Variants in SP7 observed in about 807,000 individuals in gnomAD.
SP7 encodes the protein transcription factor Sp7.
Under a neutral mutation model 27.9 loss-of-function variants are expected in SP7, and 13 were observed. That is an observed-to-expected ratio of 0.47 (90% CI 0.30 to 0.74). SP7 has a LOEUF of 0.74. Ranked by LOEUF, SP7 falls within the 30% of genes least tolerant of loss-of-function variation. The probability of loss-of-function intolerance (pLI) is 0.06; values close to 1 mark genes in which losing one functional copy is unlikely to be tolerated. For missense variants in SP7, 525 were observed against 558.0 expected, an observed-to-expected ratio of 0.94 and a Z score of 0.60; for synonymous variants, 219 against 226.7, an observed-to-expected ratio of 0.97 and a Z score of 0.31.
chr12:53,342,065 A>T (rs1368947291), intron 1 of SP7, among the ~76,000 whole-genome samples: 1 of 143,792 alleles, frequency 7.0e-6, no homozygotes, highest in African/African-American at 2.6e-5. Flanking sequence ...CTCAAAAAAA[A>T]AAACAAAAAA....
chr12:53,336,887 G>A (rs1366207266), upstream of SP7, among the ~76,000 whole-genome samples: 1 of 152,134 alleles, frequency 6.6e-6, no homozygotes, highest in Non-Finnish European at 1.5e-5. Flanking sequence ...GTTGGGGAAG[G>A]CTTGGTATTG....
chr12:53,332,700 G>A (rs1944719730), intron 2 of SP7, among the ~76,000 whole-genome samples: 1 of 152,148 alleles, frequency 6.6e-6, no homozygotes, highest in Non-Finnish European at 1.5e-5. Context: ...GAAAAGCAAA[G>A]GAAAGCAGAG....
Position 53,329,265 on chromosome 12 carries a change from G to A in SP7, c.177C>T (p.Thr59=), listed in dbSNP as rs1592531258. Residue 59 remains threonine, a synonymous_variant, in exon 3 of 3, where the codon ACC becomes ACT. Coordinates refer to ENST00000536324, the MANE Select transcript of SP7 (RefSeq NM_001173467.3). The stretch of plus-strand genomic sequence containing the variant: ...AGGGGGCTGGATAAGCATCCCCCAT[G>A]GTTTTGGAGGCTGAAAGGTCACTGC... ...SVGSDLSASK[T]MGDAYPAPFT... 6.2e-6 allele frequency: 10 copies of A among 1,613,854 alleles called. No individual in the cohort carries two copies. The highest frequency in any genetic ancestry group is 7.6e-6 in the Non-Finnish European group (9 of 1,179,870).
chr12:53,331,027 C>A (rs908615572), intron 2 of SP7, among the ~76,000 whole-genome samples: 2 of 152,226 alleles, frequency 1.3e-5, no homozygotes, highest in Non-Finnish European at 2.9e-5. Context: ...CCAAAGTCGT[C>A]ATGCCCTTCC....
upstream of SP7, among the ~76,000 whole-genome samples, chr12:53,340,112 T>C (rs1456910270): frequency 6.6e-6 from 1 of 152,028 alleles, no homozygotes; most frequent in African/African-American, 2.4e-5. Context: ...ATACAGATAA[T>C]GCTTACCCCA....
intron 2 of SP7, among the ~76,000 whole-genome samples, chr12:53,331,992 A>G (rs992142676): frequency 6.6e-6 from 1 of 152,084 alleles, no homozygotes; most frequent in Admixed American, 6.6e-5. Context: ...GCCTCTCTCT[A>G]AGGTCCCGTT....
intron 1 of SP7, 196 bp from the exon 2 acceptor site, chr12:53,335,889 AGAG>A (rs1592535884): frequency 7.9e-7 from 1 of 1,273,520 alleles, no homozygotes; most frequent in East Asian, 2.7e-5. Context: ...AGAGGGAGGC[AGAG>A]GGTCCAAATT....
chr12:53,329,453 G>T lies in SP7; in HGVS notation c.22-33C>A, dbSNP rs772187307. 10 of 1,591,808 alleles carry T rather than the reference G, an allele frequency of 6.3e-6. No homozygotes were observed. The Admixed American group carries it at 1.4e-4, about 22-fold the overall frequency. Reference sequence around the variant, plus strand: ...AAGAGGGACGCACTGCTTAGGGAGAGGGGAGGAGAGGTACAAAATGAAGGG... The same window carrying T: ...AAGAGGGACGCACTGCTTAGGGAGATGGGAGGAGAGGTACAAAATGAAGGG... On this transcript the variant is annotated intron_variant, in intron 2 of 2. Transcript: ENST00000536324.
At chr12:53,338,653 T>A (rs1466668000), upstream of SP7, among the ~76,000 whole-genome samples, 1 of 151,970 alleles carries the variant, frequency 6.6e-6, no homozygotes, top group African/African-American at 2.4e-5. Flanking sequence ...GCAGACGTAT[T>A]CAAACCCTAC....
rs77410399 is a variant in SP7, at chr12:53,334,773, G to A, written c.21+853C>T. On this transcript the variant is annotated intron_variant, in intron 2 of 2. Coordinates refer to ENST00000536324, the MANE Select transcript of SP7 (RefSeq NM_001173467.3). ...TGTGCCTTGGGTCCCCCAGAAGCCAGAGTAGAGTCAGAAATTTCTCAAGAC... is the reference window on the plus strand; with the variant it reads ...TGTGCCTTGGGTCCCCCAGAAGCCAAAGTAGAGTCAGAAATTTCTCAAGAC... Among the ~76,000 whole-genome samples, 740 of 152,278 alleles carry A rather than the reference G, an allele frequency of 4.9e-3. 4 individuals carry two copies. Among genetic ancestry groups the A allele is most frequent in the African/African-American group, 0.015 (640 of 41,558 alleles).
At chr12:53,334,367 C>A (rs942068553) in intron 2 of SP7, among the ~76,000 whole-genome samples, 7 of 151,658 alleles carry the variant, frequency 4.6e-5, no homozygotes, top group Non-Finnish European at 8.8e-5. Context: ...CACACACACA[C>A]ACACACACTC....
At chr12:53,340,360 C>A (rs1944812625), upstream of SP7, among the ~76,000 whole-genome samples, 1 of 152,176 alleles carries the variant, frequency 6.6e-6, no homozygotes, top group South Asian at 2.1e-4. Flanking sequence ...CTATAAGGAT[C>A]TGGAGATAAG....
Position 53,328,066 on chromosome 12 carries a change from A to G in SP7, c.*80T>C. The G allele has an allele frequency of 7.2e-7, 1 of 1,381,688 alleles. No homozygotes were observed. The highest frequency in any genetic ancestry group is 9.7e-7 in the Non-Finnish European group (1 of 1,030,376). The allele number at this position is 1,381,688 out of a possible 1,614,324, so 85.6% of individuals were successfully genotyped here. A position where few individuals can be genotyped will look rare whatever the true frequency, so the allele number is the denominator to read the frequency against. On this transcript the variant is annotated 3_prime_UTR_variant, in exon 3 of 3. Coordinates refer to ENST00000536324, the MANE Select transcript of SP7 (RefSeq NM_001173467.3). The surrounding 1 kb of genome is among the most constrained non-coding windows in gnomAD (Gnocchi z 5.1). ...GAAGGATGGCATGCATGGGGTAAAG[A>G]GAGTGATTGGCAAGCAGTGGTCTAG... is the stretch of plus-strand genomic sequence containing the variant.
chr12:53,337,498 T>C (rs182208604), upstream of SP7, among the ~76,000 whole-genome samples: 12 of 152,322 alleles, frequency 7.9e-5, no homozygotes, highest in African/African-American at 4.8e-5. Flanking sequence ...GGGGTTGTTT[T>C]ACAGGTTATT....
At chr12:53,342,998 A>G (rs896913766) in intron 1 of SP7, among the ~76,000 whole-genome samples, 1 of 151,770 alleles carries the variant, frequency 6.6e-6, no homozygotes. Flanking sequence ...GTTATCAAGT[A>G]AAAAAAGGAA....
upstream of SP7, among the ~76,000 whole-genome samples, chr12:53,337,667 G>T (rs1441425005): frequency 6.6e-5 from 10 of 152,126 alleles, no homozygotes; most frequent in Admixed American, 6.5e-4. Context: ...AAAAAGCTGG[G>T]AGGTGGCAGG....
At chr12:53,339,181 G>A (rs1043806862), upstream of SP7, among the ~76,000 whole-genome samples, 3 of 152,132 alleles carry the variant, frequency 2.0e-5, no homozygotes, top group Non-Finnish European at 2.9e-5. Context: ...CTCAGCCTCC[G>A]CCCATGGCCA....
intron 1 of SP7, among the ~76,000 whole-genome samples, chr12:53,342,578 G>A (rs946265023): frequency 1.3e-5 from 2 of 152,192 alleles, no homozygotes; most frequent in Non-Finnish European, 2.9e-5. Context: ...CACTGTAGGA[G>A]GCCAAGGTGG....
At chr12:53,339,412 G>A (rs568332254), upstream of SP7, among the ~76,000 whole-genome samples, 2 of 152,260 alleles carry the variant, frequency 1.3e-5, no homozygotes, top group South Asian at 2.1e-4. Context: ...AGATCAGTGG[G>A]GTGAAAACAG....
Sources: gnomAD v4.1 joint callset for allele counts (sites outside exome capture counted in the v4.1 genomes callset) on GRCh38, gnomAD v4.1.1 for gene constraint, Gnocchi (gnomAD v3.1) non-coding constraint, MANE v1.5 for transcripts, NCBI Gene and HGNC (gene_info 2026-07-23, HGNC 2026-07-21) for gene names.